GRM7: variants seen among roughly 807,000 people sequenced by gnomAD.
GRM7 encodes metabotropic glutamate receptor 7.
In GRM7, 35 loss-of-function variants were observed where a neutral mutation model predicts 84.5. The ratio of observed to expected loss-of-function variants is 0.41; its 90% CI spans 0.32 to 0.55. GRM7 has a LOEUF of 0.55. Among genes scored for constraint, GRM7 ranks in the 20% least tolerant of loss-of-function variants. The pLI is 0.19. For synonymous variants in GRM7, 487 were observed against 455.1 expected, an observed-to-expected ratio of 1.07 and a Z score of -0.89; for missense variants, 1,003 against 1,194.6, an observed-to-expected ratio of 0.84 and a Z score of 2.36.
Position 7,114,502 on chromosome 3 carries a change from T to G in GRM7, c.520-31950T>G, listed in dbSNP as rs183482493. ...GAATACATTTTTTAATACATAAAAT[T>G]TACTAAGGATTAAACATGCACATCT... On this transcript the variant is annotated intron_variant, in intron 1 of 9. Transcript: ENST00000357716. Among the ~76,000 whole-genome samples, 137 of 152,274 alleles carry G rather than the reference T, an allele frequency of 9.0e-4. No individual in the cohort carries two copies. The Middle Eastern group carries it at 0.024, about 26-fold the overall frequency.
chr3:7,640,008 A>C (rs9819314), intron 8 of GRM7, among the ~76,000 whole-genome samples: 108,694 of 152,080 alleles, frequency 0.71, 39,223 homozygotes, highest in South Asian at 0.83. Context: ...AGATTCAATC[A>C]TGTCATAGTA....
chr3:7,636,497 G>GT, intron 8 of GRM7: 2 of 302,256 alleles, frequency 6.6e-6, no homozygotes, highest in South Asian at 3.1e-5. Flanking sequence ...CAAGGGTCAG[G>GT]TAATAAGGAG....
intron 7 of GRM7, among the ~76,000 whole-genome samples, chr3:7,578,057 T>C (rs1396164707): frequency 6.6e-6 from 1 of 152,228 alleles, no homozygotes; most frequent in African/African-American, 2.4e-5. Context: ...GTAGAGTGCA[T>C]GCCAGTTTTT....
At chr3:7,690,770 A>T (rs1293731255) in intron 9 of GRM7, among the ~76,000 whole-genome samples, 2 of 152,224 alleles carry the variant, frequency 1.3e-5, no homozygotes, top group African/African-American at 4.8e-5. Context: ...CTAATTTGGT[A>T]AACACAAAAA....
intron 1 of GRM7, among the ~76,000 whole-genome samples, chr3:7,136,158 C>G (rs1488251586): frequency 6.6e-6 from 1 of 151,696 alleles, no homozygotes; most frequent in Non-Finnish European, 1.5e-5. Flanking sequence ...ATTATTTTCT[C>G]TGGATTTAAT....
At chr3:6,914,322 T>C (rs1223072264) in intron 1 of GRM7, among the ~76,000 whole-genome samples, 1 of 152,214 alleles carries the variant, frequency 6.6e-6, no homozygotes, top group Non-Finnish European at 1.5e-5. Context: ...AAAAATAACT[T>C]ACTTCATTTT....
chr3:6,909,735 G>A (rs936229730), intron 1 of GRM7, among the ~76,000 whole-genome samples: 1 of 151,932 alleles, frequency 6.6e-6, no homozygotes, highest in African/African-American at 2.4e-5. Context: ...GTCTAGACTC[G>A]ATATCAGGAT....
chr3:7,511,792 A>G (rs1458203546), intron 7 of GRM7, among the ~76,000 whole-genome samples: 2 of 152,194 alleles, frequency 1.3e-5, no homozygotes, highest in Non-Finnish European at 2.9e-5. Context: ...TCTTGGTATC[A>G]TATCAGCAGC....
intron 4 of GRM7, among the ~76,000 whole-genome samples, chr3:7,349,857 T>G (rs1693056669): frequency 6.6e-6 from 1 of 152,076 alleles, no homozygotes; most frequent in South Asian, 2.1e-4. Flanking sequence ...TGGATTCATA[T>G]ATTAGGTTAG....
chr3:7,521,418 A>G (rs528556649), intron 7 of GRM7, among the ~76,000 whole-genome samples: 1 of 152,200 alleles, frequency 6.6e-6, no homozygotes, highest in Non-Finnish European at 1.5e-5. Flanking sequence ...AGCCCCTGTG[A>G]ATGTGATTAG....
intron 5 of GRM7, chr3:7,451,697 A>AT: frequency 1.3e-5 from 2 of 152,298 alleles, no homozygotes; most frequent in South Asian, 4.1e-4. Context: ...TATCATAAGG[A>AT]TAAAAAAAAT....
chr3:7,272,907 T>C (rs1477829034), intron 2 of GRM7, among the ~76,000 whole-genome samples: 1 of 150,988 alleles, frequency 6.6e-6, no homozygotes, highest in Non-Finnish European at 1.5e-5. Context: ...TAATTGCCTC[T>C]TTTTTTCTAG....
chr3:7,304,949 T>TA (rs1575144458), intron 3 of GRM7, among the ~76,000 whole-genome samples: 1 of 152,186 alleles, frequency 6.6e-6, no homozygotes, highest in African/African-American at 2.4e-5. Flanking sequence ...AGTAAAAAGC[T>TA]CTGTGCCCAC....
chr3:7,691,264 C>G, intron 9 of GRM7: 1 of 1,287,562 alleles, frequency 7.8e-7, no homozygotes, highest in Non-Finnish European at 1.0e-6. Flanking sequence ...ATTTCCAAAG[C>G]TTGTTCTTCT....
chr3:7,434,768 T>G (rs1273689944), intron 5 of GRM7, among the ~76,000 whole-genome samples: 1 of 152,136 alleles, frequency 6.6e-6, no homozygotes, highest in African/African-American at 2.4e-5. Context: ...GGTAGTGTCT[T>G]TTTCTGGCAT....
chr3:7,668,332 A>C (rs1699784544), intron 8 of GRM7, among the ~76,000 whole-genome samples: 1 of 152,192 alleles, frequency 6.6e-6, no homozygotes, highest in East Asian at 1.9e-4. Context: ...AGACTTCCTT[A>C]TTTAACATCA....
At chr3:6,951,578 G>A (rs560018589) in intron 1 of GRM7, among the ~76,000 whole-genome samples, 5 of 152,258 alleles carry the variant, frequency 3.3e-5, no homozygotes, top group African/African-American at 1.2e-4. Context: ...TAGTTTACAA[G>A]TATTTGGGAT....
intron 1 of GRM7, among the ~76,000 whole-genome samples, chr3:6,902,105 T>C (rs1209967004): frequency 6.6e-6 from 1 of 152,180 alleles, no homozygotes; most frequent in South Asian, 2.1e-4. Context: ...ATGTTATATG[T>C]ACATTTGAAA....
intron 9 of GRM7, among the ~76,000 whole-genome samples, chr3:7,710,937 C>T (rs530708838): frequency 3.3e-5 from 5 of 152,318 alleles, no homozygotes; most frequent in East Asian, 3.9e-4. Flanking sequence ...CTTAGAGTCA[C>T]GTTTTCTGGG....
Sources: allele counts gnomAD v4.1 joint callset (sites outside exome capture counted in the v4.1 genomes callset), GRCh38; gene constraint gnomAD v4.1.1; transcripts MANE v1.5; gene names NCBI Gene and HGNC (gene_info 2026-07-23, HGNC 2026-07-21).